The following CLECL1 variants were observed in gnomAD, a reference collection of about 807,000 sequenced individuals.
CLECL1 encodes C-type lectin like 1.
At chr12:9,727,300 A>G (rs1866391484) in intron 3 of CLECL1, among the ~76,000 whole-genome samples, 1 of 151,838 alleles carries the variant, frequency 6.6e-6, no homozygotes. Flanking sequence ...CCAATAAAAA[A>G]CAAAATAAAA....
At chr12:9,721,646 C>T (rs138490101), downstream of CLECL1, among the ~76,000 whole-genome samples, 421 of 152,266 alleles carry the variant, frequency 2.8e-3, 2 homozygotes, top group African/African-American at 8.3e-3. Flanking sequence ...TCATTCATTG[C>T]GCAATGGCTC....
downstream of CLECL1, among the ~76,000 whole-genome samples, chr12:9,714,166 A>G (rs772486654): frequency 6.6e-6 from 1 of 152,360 alleles, no homozygotes; most frequent in East Asian, 1.9e-4. Flanking sequence ...TCGGTTGAGC[A>G]TGTAGATGGG....
At chr12:9,707,628 C>T in the CLECL1 span, among the ~76,000 whole-genome samples, 1 of 152,182 alleles carries the variant, frequency 6.6e-6, no homozygotes, top group Non-Finnish European at 1.5e-5. Context: ...AAGCAAGCCA[C>T]ACCCCCATCA....
chr12:9,724,297 T>C (rs755085681), intron 3 of CLECL1, among the ~76,000 whole-genome samples: 1 of 151,980 alleles, frequency 6.6e-6, no homozygotes, highest in African/African-American at 2.4e-5. Flanking sequence ...ACTTTCACAA[T>C]GTATAGTATA....
At chr12:9,705,889 TTATTCCATATAA>T in the CLECL1 span, among the ~76,000 whole-genome samples, 4 of 152,202 alleles carry the variant, frequency 2.6e-5, no homozygotes. Context: ...AGGCTCTTTT[TTATTCCATATAA>T]ATTTTATTCC....
chr12:9,713,575 T>A (rs1054174050), downstream of CLECL1, among the ~76,000 whole-genome samples: 1 of 152,242 alleles, frequency 6.6e-6, no homozygotes, highest in Non-Finnish European at 1.5e-5. Context: ...TAAAACAATA[T>A]GAGAGGGTCT....
intron 3 of CLECL1, among the ~76,000 whole-genome samples, chr12:9,723,177 A>T (rs1866334942): frequency 6.6e-6 from 1 of 152,196 alleles, no homozygotes; most frequent in African/African-American, 2.4e-5. Flanking sequence ...TTGTCTACTA[A>T]CACATCAGAA....
At chr12:9,707,034 C>T in the CLECL1 span, among the ~76,000 whole-genome samples, 1 of 152,140 alleles carries the variant, frequency 6.6e-6, no homozygotes, top group African/African-American at 2.4e-5. Context: ...AATTTCAGAA[C>T]TCATGGTTGG....
chr12:9,731,995 T>C (rs530120944), intron 1 of CLECL1, among the ~76,000 whole-genome samples: 10 of 152,146 alleles, frequency 6.6e-5, no homozygotes, highest in Non-Finnish European at 8.8e-5. Context: ...TCATAGGAAG[T>C]GAAAGTGCCT....
At position 9,729,186 on chromosome 12, in the gene CLECL1, T is replaced by C. The variant is rs557842681; in HGVS notation, n.168+405A>G. On this transcript the variant is annotated intron_variant and non_coding_transcript_variant, in intron 2 of 3. Transcript: ENST00000621400. ...TTATTTTAGACAAATTTCTCACCTG[T>C]TGACACAAGATTGATGATACTTAGG... Among the ~76,000 whole-genome samples the C allele has an allele frequency of 6.0e-4, 91 of 152,088 alleles. 1 individual carries two copies. The highest frequency in any genetic ancestry group is 2.1e-3 in the African/African-American group (86 of 41,454).
intron 2 of CLECL1, among the ~76,000 whole-genome samples, chr12:9,717,302 G>C (rs776842354): frequency 6.6e-6 from 1 of 152,070 alleles, no homozygotes; most frequent in Non-Finnish European, 1.5e-5. Context: ...GATGATGGCC[G>C]TAATGAGCAG....
the CLECL1 span, among the ~76,000 whole-genome samples, chr12:9,706,007 C>T: frequency 6.6e-6 from 1 of 152,192 alleles, no homozygotes; most frequent in Non-Finnish European, 1.5e-5. Flanking sequence ...TATGCATAAG[C>T]ATGGAATGTT....
At chr12:9,711,684 G>A (rs573753261), downstream of CLECL1, among the ~76,000 whole-genome samples, 77 of 151,586 alleles carry the variant, frequency 5.1e-4, no homozygotes, top group Middle Eastern at 6.8e-3. Flanking sequence ...TTCTTTTGTG[G>A]TTCCTTTTCC....
At chr12:9,720,341 ATTT>A (rs777503358), downstream of CLECL1, among the ~76,000 whole-genome samples, 3 of 133,426 alleles carry the variant, frequency 2.2e-5, no homozygotes, top group African/African-American at 2.8e-5. Flanking sequence ...CCACCTCTGT[ATTT>A]TTTTTTTTTT....
chr12:9,707,505 G>A, the CLECL1 span, among the ~76,000 whole-genome samples: 1 of 134,034 alleles, frequency 7.5e-6, no homozygotes, highest in Non-Finnish European at 1.7e-5. Context: ...GGTAGATGAG[G>A]GTGTGGTCTC....
chr12:9,723,483 C>T (rs1386901076), intron 3 of CLECL1, among the ~76,000 whole-genome samples: 1 of 151,500 alleles, frequency 6.6e-6, no homozygotes, highest in Non-Finnish European at 1.5e-5. Context: ...TGACCTGAAG[C>T]CATTGAAGAG....
chr12:9,722,550 G>A (rs1591717144), downstream of CLECL1: 19 of 1,499,510 alleles, frequency 1.3e-5, no homozygotes, highest in East Asian at 4.0e-4. Flanking sequence ...ACATGAAGTT[G>A]AAACTTCTTT....
At chr12:9,716,583 G>A (rs1256436602) in exon 3 of CLECL1, 6 of 223,070 alleles carry the variant, frequency 2.7e-5, no homozygotes, top group African/African-American at 7.1e-5. Context: ...ATCTCCTGGC[G>A]GCTGGTGGCT....
chr12:9,706,627 C>G, the CLECL1 span, among the ~76,000 whole-genome samples: 1 of 152,188 alleles, frequency 6.6e-6, no homozygotes, highest in Middle Eastern at 3.4e-3. Context: ...TGGTTTTTGT[C>G]TTTAGTTTTA....
Sources: gnomAD v4.1 joint callset for allele counts (sites outside exome capture counted in the v4.1 genomes callset) on GRCh38, gnomAD v4.1.1 for gene constraint, MANE v1.5 for transcripts, NCBI Gene and HGNC (gene_info 2026-07-23, HGNC 2026-07-21) for gene names.